The following CLSPN variants were observed in gnomAD, a reference collection of about 807,000 sequenced individuals.
CLSPN encodes claspin homolog.
CLSPN carries 85 observed loss-of-function variants against 156.3 expected under a neutral mutation model. The observed-to-expected ratio is 0.54, with a 90% CI of 0.46 to 0.65. The LOEUF is 0.65. Among genes scored for constraint, CLSPN ranks in the 30% least tolerant of loss-of-function variants. The pLI, the probability that CLSPN is intolerant of heterozygous loss-of-function variation, is 0.00. For synonymous variants in CLSPN, 534 were observed against 542.4 expected (o/e 0.98, Z 0.22); for missense variants, 1,407 against 1,554.9 (o/e 0.90, Z 1.60).
intron 18 of CLSPN, among the ~76,000 whole-genome samples, chr1:35,741,462 A>G (rs1052984769): frequency 2.0e-5 from 3 of 152,014 alleles, no homozygotes; most frequent in Non-Finnish European, 4.4e-5. Flanking sequence ...GATTACAGGC[A>G]CTGGCCATCA....
intron 5 of CLSPN, 37 bp downstream of exon 5, chr1:35,762,367 G>A: frequency 6.8e-7 from 1 of 1,463,286 alleles, no homozygotes; most frequent in Non-Finnish European, 9.6e-7. Context: ...CCTGTGTAAA[G>A]AGATCAGTGT....
At chr1:35,749,891 G>T in intron 10 of CLSPN, 80 bp from the exon 11 acceptor site, 2 of 1,471,754 alleles carry the variant, frequency 1.4e-6, no homozygotes, top group African/African-American at 1.4e-5. Flanking sequence ...CCTGAAATAT[G>T]GCTGATTGGT....
At chr1:35,767,775 A>C (rs1358542384) in intron 1 of CLSPN, among the ~76,000 whole-genome samples, 2 of 152,258 alleles carry the variant, frequency 1.3e-5, no homozygotes, top group Non-Finnish European at 2.9e-5. Context: ...CAAGCATTTC[A>C]GACGAGAGAT....
At position 35,737,052 on chromosome 1, in the gene CLSPN, G is replaced by A. The variant is rs1381441868; in HGVS notation, c.3771C>T (p.Asn1257=). ...GTTTCTGAAGCACAGCTTTGGGCTGGTTTAGCAGTGAGCCTGTCTTCACCT... is the reference window on the plus strand; with the variant it reads ...GTTTCTGAAGCACAGCTTTGGGCTGATTTAGCAGTGAGCCTGTCTTCACCT... ...AQQVKTGSLL[N]QPKAVLQKLA... Residue 1257 remains asparagine (N), a synonymous_variant, in exon 24 of 25, where the codon AAC becomes AAT. Transcript: ENST00000318121. 1 of 1,614,044 alleles carries A rather than the reference G, an allele frequency of 6.2e-7. No individual in the cohort carries two copies. Among genetic ancestry groups the A allele is most frequent in the Non-Finnish European group, 8.5e-7 (1 of 1,180,024 alleles).
chr1:35,727,795 C>T (rs1480170974), downstream of CLSPN, among the ~76,000 whole-genome samples: 1 of 152,128 alleles, frequency 6.6e-6, no homozygotes, highest in Non-Finnish European at 1.5e-5. Flanking sequence ...TCAGATTATT[C>T]AGATGAGATC....
chr1:35,744,526 G>A (rs935418772), intron 16 of CLSPN, among the ~76,000 whole-genome samples: 1 of 152,016 alleles, frequency 6.6e-6, no homozygotes, highest in African/African-American at 2.4e-5. Flanking sequence ...AAACTCCTGA[G>A]CTCAAGTGAT....
chr1:35,762,309 A>T, intron 5 of CLSPN, 95 bp downstream of exon 5: 1 of 1,170,790 alleles, frequency 8.5e-7, no homozygotes, highest in South Asian at 1.4e-5. Flanking sequence ...GTAACAGAAA[A>T]ATATGATAGA....
intron 8 of CLSPN, among the ~76,000 whole-genome samples, chr1:35,754,746 A>C (rs1010476827): frequency 6.6e-6 from 1 of 152,202 alleles, no homozygotes; most frequent in African/African-American, 2.4e-5. Context: ...CAGGACTGTA[A>C]AAAGTTTTTT....
chr1:35,748,653 G>A (rs749158736), intron 12 of CLSPN, 49 bp from the exon 13 acceptor site: 3 of 1,512,190 alleles, frequency 2.0e-6, no homozygotes, highest in East Asian at 2.3e-5. Context: ...GAAATAAGGT[G>A]GATTTGTTTA....
chr1:35,739,215 G>A lies in CLSPN; in HGVS notation c.3351C>T (p.Tyr1117=), dbSNP rs1418299953. 1.2e-6 allele frequency: 2 copies of A among 1,614,150 alleles called. No homozygotes were observed. The highest frequency in any genetic ancestry group is 1.7e-5 in the Admixed American group (1 of 60,020). The stretch of plus-strand genomic sequence containing the variant: ...CCCCATCAGCAAGGTACCTCTCTTG[G>A]TATAAACGTAGCTGTCGCTTATCAT... ...LDDDKRQLRL[Y]QERYLADGDL... The change falls in exon 20 of 25, where the codon TAC becomes TAT. Residue 1117 remains tyrosine (Y), a synonymous_variant. Transcript: ENST00000318121.
chr1:35,723,426 G>A (rs1038867184), intron 24 of CLSPN, among the ~76,000 whole-genome samples: 1 of 152,198 alleles, frequency 6.6e-6, no homozygotes, highest in African/African-American at 2.4e-5. Flanking sequence ...CAGGCAAGGA[G>A]ACCAGAGAAG....
rs1207250583 is a variant in CLSPN, at chr1:35,760,653, C to T, written c.1268G>A (p.Gly423Glu). Residue 423 changes from glycine to glutamate, a missense_variant, in exon 8 of 25, where the codon GGG (glycine) becomes GAG (glutamate). This residue lies in a region of CLSPN where 1,096 missense variants were observed against 1,193.0 expected (regional missense o/e 0.92). Transcript: ENST00000318121. ...TTCCTGTTGCAACACTGAGCTGTCC[C>T]CAGGTGAAGGTCTAATGTCACTCTG... ...QKQSDIRPSPGDSSVLQQESN... is the reference protein window; with the variant it reads ...QKQSDIRPSPEDSSVLQQESN... 3 of 1,614,170 alleles carry T rather than the reference C, an allele frequency of 1.9e-6. 1 individual carries two copies. In the Admixed American group the frequency reaches 5.0e-5, roughly 27 times the overall value.
Position 35,735,261 on chromosome 1 carries a change from T to G in CLSPN, c.*1235A>C. 1.0e-6 allele frequency: 1 copy of G among 985,284 alleles called. No homozygotes were observed. Among genetic ancestry groups the G allele is most frequent in the Non-Finnish European group, 1.2e-6 (1 of 829,904 alleles). The allele number at this position is 985,284 out of a possible 1,614,324, so 61.0% of individuals were successfully genotyped here. A position where few individuals can be genotyped will look rare whatever the true frequency, so the allele number is the denominator to read the frequency against. Reference sequence around the variant, plus strand: ...AAGCCCCAGAAAATTAGAGGCAGAGTCTTTCTGACTTGGGTACCAGTTTAA... The same window carrying G: ...AAGCCCCAGAAAATTAGAGGCAGAGGCTTTCTGACTTGGGTACCAGTTTAA... On this transcript the variant is annotated 3_prime_UTR_variant, in exon 25 of 25. Transcript: ENST00000318121.
At chr1:35,736,736 C>A in intron 24 of CLSPN, 130 bp from the exon 25 acceptor site, 1 of 1,413,940 alleles carries the variant, frequency 7.1e-7, no homozygotes, top group Non-Finnish European at 9.4e-7. Flanking sequence ...GATAAACTTT[C>A]TCGGCAAGTT....
chr1:35,762,032 T>C lies in CLSPN; in HGVS notation c.861A>G (p.Lys287=), dbSNP rs1642497267. ...KAARLSKEAL[K]QLHSETQRLI... is the part of the protein sequence containing the mutation. ...GGCGCTGAGTCTCACTATGCAGTTG[T>C]TTTAATGCTTCTTTACTTAATCTGG... is the stretch of plus-strand genomic sequence containing the variant. The change falls in exon 6 of 25, where the codon AAA becomes AAG. Residue 287 remains lysine (K), a synonymous_variant. Transcript: ENST00000318121. 6.2e-7 allele frequency: 1 copy of C among 1,613,656 alleles called. No homozygotes were observed. Among genetic ancestry groups the C allele is most frequent in the Non-Finnish European group, 8.5e-7 (1 of 1,179,642 alleles).
Position 35,748,582 on chromosome 1 carries a change from C to G in CLSPN, c.2295G>C (p.Leu765Phe), listed in dbSNP as rs755351175. ...SKLDEDDSCSLLTKESSHNSS... is the reference protein window; with the variant it reads ...SKLDEDDSCSFLTKESSHNSS... Reference sequence around the variant, plus strand: ...TATTGTGGCTGCTCTCCTTTGTTAGCAATGAACATGAATCATCCTCATCTA... The same window carrying G: ...TATTGTGGCTGCTCTCCTTTGTTAGGAATGAACATGAATCATCCTCATCTA... Residue 765 changes from leucine to phenylalanine, a missense_variant, in exon 13 of 25, where the codon TTG becomes TTC. Around this residue, in one of 3 missense-constraint regions of CLSPN, gnomAD observed 1,096 missense variants for 1,193.0 expected, o/e 0.92. Transcript: ENST00000318121. 6.2e-7 allele frequency: 1 copy of G among 1,613,992 alleles called. No individual in the cohort carries two copies. Among genetic ancestry groups the G allele is most frequent in the Non-Finnish European group, 8.5e-7 (1 of 1,179,914 alleles).
At position 35,751,508 on chromosome 1, in the gene CLSPN, T is replaced by C; in HGVS notation, c.1772-2A>G. The stretch of plus-strand genomic sequence containing the variant: ...CTTTTAACACCTGAAGCTTTTCACC[T>C]GAACAGAAATATGTAGAAATGCTTT... On this transcript the variant is annotated splice_acceptor_variant, in intron 9 of 24. Transcript: ENST00000318121. LOFTEE classifies it high-confidence loss of function. 6.2e-7 allele frequency: 1 copy of C among 1,610,916 alleles called. No homozygotes were observed. The highest frequency in any genetic ancestry group is 8.5e-7 in the Non-Finnish European group (1 of 1,179,020).
intron 14 of CLSPN, among the ~76,000 whole-genome samples, 196 bp downstream of exon 14, chr1:35,747,711 T>G (rs1375173952): frequency 6.6e-6 from 1 of 152,234 alleles, no homozygotes; most frequent in Non-Finnish European, 1.5e-5. Context: ...AGGACCAGAA[T>G]GTTAGCAAGA....
At chr1:35,720,932 T>C (rs1431355802) in exon 25 of CLSPN, 2 of 1,612,246 alleles carry the variant, frequency 1.2e-6, no homozygotes, top group African/African-American at 1.3e-5. Flanking sequence ...AATCCAGGGA[T>C]AGGAGCTCCA....
Sources: gnomAD v4.1 joint callset for allele counts (sites outside exome capture counted in the v4.1 genomes callset) on GRCh38, gnomAD v4.1.1 for gene constraint, gnomAD v4.1.1 regional missense constraint, MANE v1.5 for transcripts, NCBI Gene and HGNC (gene_info 2026-07-23, HGNC 2026-07-21) for gene names.